HERC1: variants seen among roughly 807,000 people sequenced by gnomAD.
HERC1 encodes the protein probable E3 ubiquitin-protein ligase HERC1.
A neutral mutation model predicts 554.3 loss-of-function variants in HERC1; 160 were observed. That is an observed-to-expected ratio of 0.29 (90% CI 0.25 to 0.33). The LOEUF (loss-of-function observed/expected upper bound fraction) is 0.33. Among genes scored for constraint, HERC1 ranks in the 10% least tolerant of loss-of-function variants. The pLI, the probability that HERC1 is intolerant of heterozygous loss-of-function variation, is 1.00. For missense variants in HERC1, 4,919 were observed against 5,918.5 expected (o/e 0.83, Z 5.54); for synonymous variants, 2,175 against 2,131.7 (o/e 1.02, Z -0.56).
At chr15:63,814,440 T>C (rs954531139) in intron 1 of HERC1, among the ~76,000 whole-genome samples, 1 of 150,440 alleles carries the variant, frequency 6.6e-6, no homozygotes, top group African/African-American at 2.5e-5. Context: ...ACATTAGCTT[T>C]GTGGGTGGGG....
intron 19 of HERC1, among the ~76,000 whole-genome samples, chr15:63,722,705 G>A (rs916332669): frequency 6.6e-6 from 1 of 152,134 alleles, no homozygotes; most frequent in Non-Finnish European, 1.5e-5. Context: ...CAAGAGTAGT[G>A]ATTCAGTTAG....
chr15:63,657,268 T>G (rs1453213032), intron 48 of HERC1, among the ~76,000 whole-genome samples: 3 of 150,914 alleles, frequency 2.0e-5, no homozygotes, highest in Non-Finnish European at 3.0e-5. Flanking sequence ...AGGTTTTTTT[T>G]TTTTTTTTTT....
At chr15:63,744,146 GTGTGTGTGTGTGTGTGTGTCTCTC>G (rs1229837619) in intron 12 of HERC1, among the ~76,000 whole-genome samples, 3 of 41,904 alleles carry the variant, frequency 7.2e-5, no homozygotes, top group Non-Finnish European at 1.5e-4. Flanking sequence ...GTGTGTGTGT[GTGTGTGTGTGTGTGTGTGTCTCTC>G]TCTCTCTCTC....
chr15:63,661,746 A>T lies in HERC1; in HGVS notation c.9170+7T>A, dbSNP rs2070371553. 3 of 1,613,372 alleles carry T rather than the reference A, an allele frequency of 1.9e-6. No homozygotes were observed. The highest frequency in any genetic ancestry group is 3.3e-5 in the Admixed American group (2 of 59,992). ...GAGGTCTGGATATCTACACAATTTC[A>T]AGGTACCTTTCAGAACTTGTTGACT... On this transcript the variant is annotated splice_region_variant and intron_variant, in intron 45 of 77. Transcript: ENST00000443617.
chr15:63,732,943 C>T lies in HERC1; in HGVS notation c.2849G>A (p.Arg950Lys). 1.2e-6 allele frequency: 2 copies of T among 1,611,532 alleles called. No individual in the cohort carries two copies. Among genetic ancestry groups the T allele is most frequent in the Non-Finnish European group, 1.7e-6 (2 of 1,177,754 alleles). The change falls in exon 14 of 78, where the codon AGA becomes AAA. Residue 950 changes from arginine (R) to lysine (K), a missense_variant. Physicochemically the swap from Arg to Lys is conservative, Grantham distance 26 (BLOSUM62 2). Around this residue, in one of 11 missense-constraint regions of HERC1, gnomAD observed 744 missense variants for 1,090.0 expected, o/e 0.68. Transcript: ENST00000443617. ...LAEILMKTLL[R>K]NLGFYTDQAF... ...ACTTACTGTATAAAATCCTAAATTT[C>T]TTAAGAGGGTCTTCATCAAAATTTC... is the stretch of plus-strand genomic sequence containing the variant.
At chr15:63,648,895 A>T (rs550113289) in intron 54 of HERC1, among the ~76,000 whole-genome samples, 1 of 152,294 alleles carries the variant, frequency 6.6e-6, no homozygotes, top group African/African-American at 2.4e-5. Flanking sequence ...ATGACTTTGA[A>T]TTACCCCACT....
chr15:63,833,104 C>T (rs2078212306), intron 1 of HERC1, among the ~76,000 whole-genome samples: 1 of 152,224 alleles, frequency 6.6e-6, no homozygotes, highest in Non-Finnish European at 1.5e-5. Flanking sequence ...TGCCACCCAT[C>T]ACAGAACAGA....
At chr15:63,759,810 G>A (rs548101574) in intron 3 of HERC1, among the ~76,000 whole-genome samples, 164 of 152,298 alleles carry the variant, frequency 1.1e-3, no homozygotes, top group Middle Eastern at 3.4e-3. Flanking sequence ...CATGAAATGG[G>A]AGAGGATAGG....
intron 1 of HERC1, among the ~76,000 whole-genome samples, chr15:63,788,139 G>A (rs1201688795): frequency 6.6e-6 from 1 of 152,082 alleles, no homozygotes; most frequent in Admixed American, 6.6e-5. Context: ...AAGCAGTACA[G>A]AATGTGAAAA....
rs777322964 is a variant in HERC1 at position 63,661,763 on chromosome 15, T to C, written c.9160A>G (p.Ser3054Gly). 24 of 1,613,842 alleles carry C rather than the reference T, an allele frequency of 1.5e-5. No individual in the cohort carries two copies. Among genetic ancestry groups the C allele is most frequent in the Non-Finnish European group, 1.9e-5 (22 of 1,179,834 alleles). ...ACAATTTCAAGGTACCTTTCAGAAC[T>C]TGTTGACTTAGATTTGGTCTTCATG... ...LAMKTKSKSTSSERYKGQAPD... is the reference protein window; with the variant it reads ...LAMKTKSKSTGSERYKGQAPD... The change falls in exon 45 of 78, where the codon AGT becomes GGT. Residue 3054 changes from serine to glycine, a missense_variant. Ser to Gly is a moderately conservative substitution (Grantham distance 56). This residue lies in a region of HERC1 where 1,963 missense variants were observed against 2,228.6 expected (regional missense o/e 0.88). Coordinates refer to ENST00000443617, the MANE Select transcript of HERC1 (RefSeq NM_003922.4).
At position 63,737,493 on chromosome 15, in the gene HERC1, TACATATATATATCTTTTTTCCAG is replaced by T. The variant is rs1455976083; in HGVS notation, c.2521-2667_2521-2645del. On this transcript the variant is annotated intron_variant, in intron 12 of 77. Coordinates refer to ENST00000443617, the MANE Select transcript of HERC1 (RefSeq NM_003922.4). ...TATCTTTTTTCCAGATATATATATA[TACATATATATATCTTTTTTCCAG>T]ATATATATATATATATATATATATA... 2.4e-3 allele frequency among the ~76,000 whole-genome samples: 199 copies of T among 82,928 alleles called. 22 individuals are homozygous for T. The highest frequency in any genetic ancestry group is 8.2e-3 in the South Asian group (21 of 2,560). 54.4% of individuals were successfully genotyped at this position (82,928 alleles called of 152,430 possible).
Position 63,645,575 on chromosome 15 carries a change from A to G in HERC1, c.10986T>C (p.Cys3662=). The change falls in exon 56 of 78, where the codon TGT becomes TGC. Residue 3662 remains cysteine (C), a synonymous_variant. Coordinates refer to ENST00000443617, the MANE Select transcript of HERC1 (RefSeq NM_003922.4). ...LWGSISGCWC[C]LHSLCHPSIV... is the part of the protein sequence containing the mutation. ...TAGATGGATGGCAGAGTGAATGTAG[A>G]CAGCACCAGCATCCCGAAATAGAGC... 6.2e-7 allele frequency: 1 copy of G among 1,613,612 alleles called. No homozygotes were observed. The highest frequency in any genetic ancestry group is 8.5e-7 in the Non-Finnish European group (1 of 1,179,690).
At chr15:63,700,866 G>A (rs2072680642) in intron 25 of HERC1, among the ~76,000 whole-genome samples, 2 of 151,804 alleles carry the variant, frequency 1.3e-5, no homozygotes, top group South Asian at 4.1e-4. Flanking sequence ...GATGCATAAT[G>A]TATTAAGTTA....
At chr15:63,767,690 C>T (rs2075826100) in intron 2 of HERC1, among the ~76,000 whole-genome samples, 2 of 152,072 alleles carry the variant, frequency 1.3e-5, no homozygotes, top group African/African-American at 2.4e-5. Flanking sequence ...AAGAGCGAGG[C>T]TCCGTCTCAA....
chr15:63,723,438 T>C (rs1385766141), intron 18 of HERC1, 83 bp from the exon 19 acceptor site: 1 of 961,414 alleles, frequency 1.0e-6, no homozygotes, highest in South Asian at 2.0e-5. Context: ...TATTTAATGA[T>C]TATGAAATGA....
chr15:63,780,126 C>T (rs1222672990), intron 1 of HERC1: 2 of 151,426 alleles, frequency 1.3e-5, no homozygotes, highest in East Asian at 3.9e-4. Flanking sequence ...AGAAAATAGA[C>T]ATTTTTATGA....
Position 63,630,506 on chromosome 15 carries a change from T to A in HERC1, c.12926A>T (p.Asn4309Ile). Residue 4309 changes from asparagine to isoleucine, a missense_variant, in exon 69 of 78, where the codon AAT becomes ATT. Asn to Ile is a moderately radical substitution (Grantham distance 149). This residue lies in a region of HERC1 where 410 missense variants were observed against 467.0 expected (regional missense o/e 0.88). Coordinates refer to ENST00000443617, the MANE Select transcript of HERC1 (RefSeq NM_003922.4). ...GCTCCCCCAGGCATACACATCTCCATTTGATGCCAAAGCAAGTGTGTGTTC... is the reference window on the plus strand; with the variant it reads ...GCTCCCCCAGGCATACACATCTCCAATTGATGCCAAAGCAAGTGTGTGTTC... ...GAEHTLALAS[N>I]GDVYAWGSNS... 6.2e-7 allele frequency: 1 copy of A among 1,613,990 alleles called. No individual in the cohort carries two copies. The highest frequency in any genetic ancestry group is 1.1e-5 in the South Asian group (1 of 91,082).
chr15:63,728,116 T>C (rs2074111599), intron 16 of HERC1, among the ~76,000 whole-genome samples: 1 of 152,198 alleles, frequency 6.6e-6, no homozygotes, highest in African/African-American at 2.4e-5. Context: ...TTCTCATTCA[T>C]TAATTTATCT....
chr15:63,704,889 C>G (rs989783257), intron 25 of HERC1, among the ~76,000 whole-genome samples: 4 of 151,942 alleles, frequency 2.6e-5, no homozygotes, highest in African/African-American at 9.7e-5. Context: ...CAGGCGCCCA[C>G]CACCACGCCC....
Sources: gnomAD v4.1 joint callset for allele counts (sites outside exome capture counted in the v4.1 genomes callset) on GRCh38, gnomAD v4.1.1 for gene constraint, gnomAD v4.1.1 regional missense constraint, MANE v1.5 for transcripts, NCBI Gene and HGNC (gene_info 2026-07-23, HGNC 2026-07-21) for gene names.